Variants in KCNQ3 observed in about 807,000 individuals in gnomAD.
KCNQ3 encodes the protein potassium voltage-gated channel subfamily KQT member 3.
Under a neutral mutation model 92.5 loss-of-function variants are expected in KCNQ3, and 30 were observed. The ratio of observed to expected loss-of-function variants is 0.32; its 90% CI spans 0.24 to 0.44. The LOEUF (loss-of-function observed/expected upper bound fraction) is 0.44, where lower values mean the gene tolerates loss of function less well. KCNQ3 is among the 20% of genes least tolerant of loss of function. The pLI is 1.00. For missense variants in KCNQ3, 913 were observed against 1,140.3 expected, an observed-to-expected ratio of 0.80 and a Z score of 2.87; for synonymous variants, 450 against 468.8, an observed-to-expected ratio of 0.96 and a Z score of 0.52.
At chr8:132,349,700 TAGA>T (rs1818801962) in intron 1 of KCNQ3, among the ~76,000 whole-genome samples, 1 of 152,158 alleles carries the variant, frequency 6.6e-6, no homozygotes, top group African/African-American at 2.4e-5. Context: ...GACCTGCAGG[TAGA>T]AGAAAAGCCA....
intron 1 of KCNQ3, among the ~76,000 whole-genome samples, chr8:132,385,768 G>A (rs1341655065): frequency 1.3e-5 from 2 of 152,048 alleles, no homozygotes; most frequent in Non-Finnish European, 2.9e-5. Context: ...GTTAGAAGGA[G>A]GTGTGGCAGT....
rs552556461 is a variant in KCNQ3, at chr8:132,237,431, A to C, written c.387-51250T>G. Among the ~76,000 whole-genome samples the C allele has an allele frequency of 6.0e-4, 92 of 152,300 alleles. 1 individual carries two copies. The South Asian group carries it at 0.018, about 30-fold the overall frequency. ...GTATTTTCATCTTTATTTGCAGCTG[A>C]AGATATTTAGGAACAGACACCTTAA... On this transcript the variant is annotated intron_variant, in intron 1 of 14. Coordinates refer to ENST00000388996, the MANE Select transcript of KCNQ3 (RefSeq NM_004519.4).
intron 1 of KCNQ3, among the ~76,000 whole-genome samples, chr8:132,458,963 G>A (rs1822003839): frequency 6.6e-6 from 1 of 152,006 alleles, no homozygotes; most frequent in South Asian, 2.1e-4. Flanking sequence ...TTTTCTCCCA[G>A]GATCCCATCT....
At chr8:132,387,461 T>C (rs1446171602) in intron 1 of KCNQ3, among the ~76,000 whole-genome samples, 1 of 152,202 alleles carries the variant, frequency 6.6e-6, no homozygotes, top group Non-Finnish European at 1.5e-5. Flanking sequence ...AGTGAAAACT[T>C]AGAGCTAGTT....
intron 1 of KCNQ3, among the ~76,000 whole-genome samples, chr8:132,194,115 A>T (rs1827238664): frequency 6.6e-6 from 1 of 152,020 alleles, no homozygotes; most frequent in Admixed American, 6.5e-5. Flanking sequence ...GTAGCACTAG[A>T]CTCTCTTTCT....
chr8:132,191,601 ATGTG>A lies in KCNQ3; in HGVS notation c.387-5424_387-5421del, dbSNP rs35548149. Among the ~76,000 whole-genome samples the A allele has an allele frequency of 1.6e-4, 24 of 146,818 alleles. No homozygotes were observed. The East Asian group carries it at 4.3e-3, about 27-fold the overall frequency. On this transcript the variant is annotated intron_variant, in intron 1 of 14. Coordinates refer to ENST00000388996, the MANE Select transcript of KCNQ3 (RefSeq NM_004519.4). ...TCTAGAAAGATGGATATGTGTGTGT[ATGTG>A]TGTGTATGTATATATAATATATATA...
chr8:132,224,624 G>A (rs1814349596), intron 1 of KCNQ3, among the ~76,000 whole-genome samples: 1 of 152,132 alleles, frequency 6.6e-6, no homozygotes, highest in African/African-American at 2.4e-5. Context: ...CTCTATTCCT[G>A]AAAAGCGTTA....
At chr8:132,286,636 T>C (rs1816686286) in intron 1 of KCNQ3, among the ~76,000 whole-genome samples, 1 of 152,158 alleles carries the variant, frequency 6.6e-6, no homozygotes, top group Admixed American at 6.6e-5. Context: ...GCTACTGGGA[T>C]GGATGACTTT....
intron 1 of KCNQ3, among the ~76,000 whole-genome samples, chr8:132,434,225 A>ATAAT (rs1250918640): frequency 7.3e-6 from 1 of 136,762 alleles, no homozygotes; most frequent in Non-Finnish European, 1.6e-5. Context: ...AAAAAAAAAA[A>ATAAT]AATAATAATA....
intron 1 of KCNQ3, among the ~76,000 whole-genome samples, chr8:132,338,867 T>A (rs1818440561): frequency 6.6e-6 from 1 of 152,154 alleles, no homozygotes; most frequent in Non-Finnish European, 1.5e-5. Context: ...CTCCATCACC[T>A]CCTCAGTGAG....
chr8:132,260,271 C>T (rs1385685169), intron 1 of KCNQ3, among the ~76,000 whole-genome samples: 2 of 152,196 alleles, frequency 1.3e-5, no homozygotes, highest in East Asian at 3.9e-4. Context: ...TCTATCTAAG[C>T]TTTCGGGCTA....
At chr8:132,206,648 T>TG (rs1813667173) in intron 1 of KCNQ3, among the ~76,000 whole-genome samples, 1 of 152,232 alleles carries the variant, frequency 6.6e-6, no homozygotes, top group Non-Finnish European at 1.5e-5. Flanking sequence ...TTGCTCATAG[T>TG]AACCACTAAT....
At chr8:132,388,185 T>A (rs955340889) in intron 1 of KCNQ3, among the ~76,000 whole-genome samples, 1 of 152,214 alleles carries the variant, frequency 6.6e-6, no homozygotes, top group Admixed American at 6.5e-5. Context: ...CCCAGATTTT[T>A]AAAAATGATC....
intron 1 of KCNQ3, among the ~76,000 whole-genome samples, chr8:132,230,635 A>G (rs564454211): frequency 1.2e-4 from 18 of 152,348 alleles, no homozygotes; most frequent in African/African-American, 4.3e-4. Context: ...CAATCAACTA[A>G]GCAATGTAAA....
intron 1 of KCNQ3, among the ~76,000 whole-genome samples, chr8:132,384,219 G>A (rs760481462): frequency 2.0e-5 from 3 of 152,084 alleles, no homozygotes; most frequent in African/African-American, 4.8e-5. Flanking sequence ...CTGTTCCCTT[G>A]TCCCGGTGAG....
chr8:132,181,119 C>T (rs1008435310), intron 3 of KCNQ3, among the ~76,000 whole-genome samples: 3 of 152,096 alleles, frequency 2.0e-5, no homozygotes, highest in South Asian at 4.1e-4. Context: ...CAGGAGATGG[C>T]ATGAGAATGT....
intron 1 of KCNQ3, among the ~76,000 whole-genome samples, chr8:132,289,964 T>C (rs1420670240): frequency 6.6e-6 from 1 of 152,192 alleles, no homozygotes. Context: ...GCTGTCTCTT[T>C]TGTAGACTCT....
intron 1 of KCNQ3, among the ~76,000 whole-genome samples, chr8:132,454,871 C>T (rs1210514655): frequency 2.0e-5 from 3 of 152,168 alleles, no homozygotes; most frequent in Non-Finnish European, 4.4e-5. Context: ...AATTTTGACA[C>T]ATGATGCAAT....
At chr8:132,469,013 T>A (rs1055836766) in intron 1 of KCNQ3, among the ~76,000 whole-genome samples, 4 of 152,214 alleles carry the variant, frequency 2.6e-5, no homozygotes, top group African/African-American at 7.2e-5. Context: ...AAGGCTACAA[T>A]GTGGATGGGA....
Sources: gnomAD v4.1 joint callset for allele counts (sites outside exome capture counted in the v4.1 genomes callset) on GRCh38, gnomAD v4.1.1 for gene constraint, MANE v1.5 for transcripts, NCBI Gene and HGNC (gene_info 2026-07-23, HGNC 2026-07-21) for gene names.